The following NELL2 variants were observed in gnomAD, a reference collection of about 807,000 sequenced individuals.
NELL2 encodes the protein neural EGFL like 2.
In NELL2, 41 loss-of-function variants were observed where a neutral mutation model predicts 109.6. That is an observed-to-expected ratio of 0.37 (90% CI 0.29 to 0.49). NELL2 has a LOEUF of 0.49. Among genes scored for constraint, NELL2 ranks in the 20% least tolerant of loss-of-function variants. NELL2 has a pLI of 0.98. For synonymous variants in NELL2, 355 were observed against 344.7 expected (o/e 1.03, Z -0.33); for missense variants, 900 against 1,008.3 (o/e 0.89, Z 1.45).
chr12:44,796,813 A>G (rs1223733289), intron 3 of NELL2, among the ~76,000 whole-genome samples: 1 of 152,132 alleles, frequency 6.6e-6, no homozygotes, highest in Non-Finnish European at 1.5e-5. Context: ...CCTAGCATCC[A>G]ACATGATGGC....
chr12:44,916,045 T>C (rs1041243937), upstream of NELL2, among the ~76,000 whole-genome samples: 3 of 152,188 alleles, frequency 2.0e-5, no homozygotes, highest in African/African-American at 4.8e-5. Context: ...ACCTGCTATA[T>C]CTAAATTTCT....
Position 44,777,079 on chromosome 12 carries a change from A to G in NELL2, c.725T>C (p.Met242Thr), listed in dbSNP as rs371476263. Residue 242 changes from methionine to threonine, a missense_variant, in exon 7 of 20, where the codon ATG becomes ACG. Physicochemically the swap from Met to Thr is moderately conservative, Grantham distance 81. Transcript: ENST00000429094. ...NDFHGLVQKI[M>T]ELQDILAKTS... is the part of the protein sequence containing the mutation. The stretch of plus-strand genomic sequence containing the variant: ...TTTGGCTAAAATATCCTGTAGCTCC[A>G]TGATTTTCTGCACAAGTCCATGGAA... 6.2e-6 allele frequency: 10 copies of G among 1,613,930 alleles called. No homozygotes were observed. The African/African-American group carries it at 1.3e-4, about 22-fold the overall frequency.
chr12:44,913,854 TA>T (rs1566618085), exon 1 of NELL2: 1 of 740,078 alleles, frequency 1.4e-6, no homozygotes, highest in Non-Finnish European at 2.1e-6. Context: ...TAATAATGTC[TA>T]AAAGGTTCTT....
intron 13 of NELL2, among the ~76,000 whole-genome samples, chr12:44,654,618 G>A (rs1054269673): frequency 3.3e-5 from 5 of 152,130 alleles, no homozygotes; most frequent in Non-Finnish European, 7.3e-5. Context: ...ACACAGTAAG[G>A]AAACACTCTT....
At chr12:44,887,469 T>C (rs1945486659) in intron 1 of NELL2, among the ~76,000 whole-genome samples, 1 of 152,002 alleles carries the variant, frequency 6.6e-6, no homozygotes, top group South Asian at 2.1e-4. Context: ...CCGTTTTAAC[T>C]GGGGGGAGAC....
At chr12:44,553,207 C>T (rs972845755) in intron 15 of NELL2, among the ~76,000 whole-genome samples, 51 of 147,466 alleles carry the variant, frequency 3.5e-4, no homozygotes, top group African/African-American at 1.2e-3. Context: ...CAGCATGGCA[C>T]ATGTATACAT....
chr12:44,639,083 C>G (rs1051635010), intron 13 of NELL2, among the ~76,000 whole-genome samples: 2 of 151,846 alleles, frequency 1.3e-5, no homozygotes, highest in Non-Finnish European at 2.9e-5. Flanking sequence ...ACATTTAAAC[C>G]ACCTATTAAT....
chr12:44,769,533 T>C (rs1405130130), intron 9 of NELL2, among the ~76,000 whole-genome samples: 1 of 152,114 alleles, frequency 6.6e-6, no homozygotes, highest in African/African-American at 2.4e-5. Context: ...GTATAAGCAC[T>C]TTGGAAAACT....
At chr12:44,603,345 A>G (rs1299078835) in intron 15 of NELL2, among the ~76,000 whole-genome samples, 1 of 152,108 alleles carries the variant, frequency 6.6e-6, no homozygotes, top group Non-Finnish European at 1.5e-5. Context: ...AAGTGCTTGT[A>G]GGGGACTGTC....
intron 3 of NELL2, among the ~76,000 whole-genome samples, chr12:44,793,582 A>G (rs1942511001): frequency 6.6e-6 from 1 of 152,212 alleles, no homozygotes; most frequent in Non-Finnish European, 1.5e-5. Context: ...TGGTGATACA[A>G]CACCCTACAA....
At chr12:44,847,746 G>A (rs944568148) in intron 2 of NELL2, among the ~76,000 whole-genome samples, 1 of 151,990 alleles carries the variant, frequency 6.6e-6, no homozygotes, top group African/African-American at 2.4e-5. Flanking sequence ...GGCCTGGAGA[G>A]AGGGAGCTGT....
At chr12:44,544,686 C>T (rs1469545238) in intron 15 of NELL2, among the ~76,000 whole-genome samples, 1 of 151,960 alleles carries the variant, frequency 6.6e-6, no homozygotes, top group African/African-American at 2.4e-5. Context: ...ATTTAGGAAT[C>T]TCATTTTAGA....
chr12:44,563,291 T>C (rs1207584622), intron 15 of NELL2, among the ~76,000 whole-genome samples: 1 of 152,034 alleles, frequency 6.6e-6, no homozygotes, highest in Non-Finnish European at 1.5e-5. Context: ...TCTGCCCATG[T>C]ATCCCAGAAC....
Position 44,657,820 on chromosome 12 carries a change from T to C in NELL2, c.1444+7664A>G, listed in dbSNP as rs189179991. On this transcript the variant is annotated intron_variant, in intron 13 of 19. Coordinates refer to ENST00000429094, the MANE Select transcript of NELL2 (RefSeq NM_001145108.2). ...CAAAGGACAGGAACTCATCCTTCTT[T>C]ATGGCTGCATAGTATTCCATGATGT... is the stretch of plus-strand genomic sequence containing the variant. 2.6e-5 allele frequency among the ~76,000 whole-genome samples: 4 copies of C among 152,334 alleles called. No individual in the cohort carries two copies. The East Asian group carries it at 7.7e-4, about 29-fold the overall frequency.
upstream of NELL2, among the ~76,000 whole-genome samples, chr12:44,878,666 C>T (rs1417850425): frequency 6.6e-6 from 1 of 152,166 alleles, no homozygotes; most frequent in Non-Finnish European, 1.5e-5. Flanking sequence ...TAACTTTTCA[C>T]CTTCTACCTA....
chr12:44,788,997 C>T (rs978196462), intron 3 of NELL2, among the ~76,000 whole-genome samples: 4 of 151,974 alleles, frequency 2.6e-5, no homozygotes, highest in African/African-American at 4.8e-5. Context: ...CCCACAGCAA[C>T]CTGCCCAAGG....
At chr12:44,860,722 G>C in intron 2 of NELL2, among the ~76,000 whole-genome samples, 1 of 152,044 alleles carries the variant, frequency 6.6e-6, no homozygotes, top group Admixed American at 6.5e-5. Flanking sequence ...TTTTAAGTCA[G>C]TCGATTAACA....
intron 15 of NELL2, among the ~76,000 whole-genome samples, chr12:44,592,886 G>A (rs1484490394): frequency 6.6e-6 from 1 of 152,136 alleles, no homozygotes; most frequent in Non-Finnish European, 1.5e-5. Context: ...AATAGCCAAA[G>A]CATTTTTAGA....
chr12:44,594,535 T>C (rs1221373934), intron 15 of NELL2, among the ~76,000 whole-genome samples: 25 of 152,036 alleles, frequency 1.6e-4, no homozygotes, highest in Non-Finnish European at 7.4e-5. Flanking sequence ...GAGATAGTGA[T>C]TAAGAAGTTA....
Sources: allele counts gnomAD v4.1 joint callset (sites outside exome capture counted in the v4.1 genomes callset), GRCh38; gene constraint gnomAD v4.1.1; transcripts MANE v1.5; gene names NCBI Gene and HGNC (gene_info 2026-07-23, HGNC 2026-07-21).